CWC27: variants seen among roughly 807,000 people sequenced by gnomAD.
The protein encoded by CWC27 is CWC27 spliceosome associated cyclophilin.
CWC27 carries 47 observed loss-of-function variants against 63.6 expected under a neutral mutation model. That is an observed-to-expected ratio of 0.74 (90% CI 0.58 to 0.94). The LOEUF is 0.94. Ranked by LOEUF, CWC27 falls within the 40% of genes least tolerant of loss-of-function variation. The pLI, the probability that CWC27 is intolerant of heterozygous loss-of-function variation, is 0.00. For synonymous variants in CWC27, 175 were observed against 179.8 expected (o/e 0.97, Z 0.22); for missense variants, 495 against 554.3 (o/e 0.89, Z 1.07).
chr5:64,885,698 G>GTTGTGTGTGTGTGT (rs1747055365), intron 11 of CWC27, 152 bp downstream of exon 11: 1 of 256,780 alleles, frequency 3.9e-6, no homozygotes, highest in East Asian at 1.0e-4. Context: ...CTTGAGTTAG[G>GTTGTGTGTGTGTGT]GTGTGTGTGT....
At chr5:64,831,768 A>G (rs1745527851) in intron 10 of CWC27, among the ~76,000 whole-genome samples, 3 of 151,894 alleles carry the variant, frequency 2.0e-5, no homozygotes, top group African/African-American at 7.2e-5. Context: ...CTTCACATAA[A>G]AAACATACAT....
chr5:64,784,128 A>G (rs936020555), intron 4 of CWC27, 149 bp downstream of exon 4: 4 of 699,900 alleles, frequency 5.7e-6, no homozygotes, highest in Non-Finnish European at 8.7e-6. Flanking sequence ...AAAATGATGG[A>G]ATATATTCCT....
chr5:64,937,984 GA>G (rs1168080072), intron 11 of CWC27, among the ~76,000 whole-genome samples: 15 of 70,142 alleles, frequency 2.1e-4, no homozygotes, highest in Non-Finnish European at 3.8e-4. Context: ...CCTTTATTTT[GA>G]GCCTATGTGT....
chr5:64,857,580 G>GC (rs1169085925), intron 10 of CWC27, among the ~76,000 whole-genome samples: 1 of 152,116 alleles, frequency 6.6e-6, no homozygotes, highest in Non-Finnish European at 1.5e-5. Flanking sequence ...ACTACAAGAG[G>GC]CCAGGAAAAA....
intron 11 of CWC27, among the ~76,000 whole-genome samples, chr5:64,904,871 G>A (rs1311022442): frequency 2.6e-5 from 4 of 151,514 alleles, no homozygotes; most frequent in African/African-American, 7.3e-5. Flanking sequence ...ATGCAACCTC[G>A]AGATACTAGA....
chr5:64,939,445 G>A (rs1561164010), intron 11 of CWC27, among the ~76,000 whole-genome samples: 1 of 152,202 alleles, frequency 6.6e-6, no homozygotes, highest in African/African-American at 2.4e-5. Context: ...TACCAGTGGA[G>A]GCTGCAGAAC....
chr5:64,992,174 T>C (rs188383393), intron 13 of CWC27, among the ~76,000 whole-genome samples: 5 of 152,364 alleles, frequency 3.3e-5, no homozygotes, highest in South Asian at 2.1e-4. Context: ...AAGAGCCTCA[T>C]AGGGCTCATA....
chr5:64,886,253 A>C (rs137960350), intron 11 of CWC27, among the ~76,000 whole-genome samples: 2,092 of 152,242 alleles, frequency 0.014, 27 homozygotes, highest in African/African-American at 0.038. Flanking sequence ...TGTTTCAGCT[A>C]TAAAGCATGT....
intron 11 of CWC27, among the ~76,000 whole-genome samples, chr5:64,935,931 A>C (rs773214195): frequency 1.1e-4 from 16 of 151,952 alleles, no homozygotes; most frequent in Non-Finnish European, 1.5e-4. Context: ...AATACTTGTG[A>C]TTTTTGCACA....
chr5:64,901,937 CTG>C (rs1224346443), intron 11 of CWC27, among the ~76,000 whole-genome samples: 3 of 152,156 alleles, frequency 2.0e-5, no homozygotes, highest in Non-Finnish European at 2.9e-5. Flanking sequence ...ATCAATATAA[CTG>C]TCTTCCACTT....
At chr5:64,795,751 G>A (rs1034404388) in intron 7 of CWC27, among the ~76,000 whole-genome samples, 2 of 152,030 alleles carry the variant, frequency 1.3e-5, no homozygotes, top group Non-Finnish European at 2.9e-5. Flanking sequence ...TATATGCAAA[G>A]TCTCTTTTGC....
At chr5:64,848,896 A>G (rs543174002) in intron 10 of CWC27, among the ~76,000 whole-genome samples, 1 of 152,324 alleles carries the variant, frequency 6.6e-6, no homozygotes, top group Non-Finnish European at 1.5e-5. Flanking sequence ...ATGGTGAAAA[A>G]GCTGAAAGCT....
At chr5:64,824,096 G>A (rs1474726271) in intron 10 of CWC27, among the ~76,000 whole-genome samples, 1 of 152,088 alleles carries the variant, frequency 6.6e-6, no homozygotes, top group Non-Finnish European at 1.5e-5. Flanking sequence ...GAATGCAAGT[G>A]TTTTATTTTA....
At chr5:64,792,952 A>T (rs1217390628) in intron 7 of CWC27, among the ~76,000 whole-genome samples, 1 of 152,182 alleles carries the variant, frequency 6.6e-6, no homozygotes, top group Admixed American at 6.6e-5. Context: ...ATTATACAAT[A>T]CTGAAAAATG....
intron 13 of CWC27, among the ~76,000 whole-genome samples, chr5:64,993,526 A>G (rs1266473444): frequency 6.6e-6 from 1 of 152,124 alleles, no homozygotes; most frequent in Non-Finnish European, 1.5e-5. Context: ...TCCAGATTAC[A>G]AAATGCGGAG....
In CWC27 at chr5:65,011,967, CT is replaced by C. The variant is rs1749969588; in HGVS notation, c.1257-6186del. 2.6e-5 allele frequency among the ~76,000 whole-genome samples: 4 copies of C among 152,282 alleles called. No homozygotes were observed. The South Asian group carries it at 8.3e-4, about 32-fold the overall frequency. On this transcript the variant is annotated intron_variant, in intron 13 of 13. Coordinates refer to ENST00000381070, the MANE Select transcript of CWC27 (RefSeq NM_005869.4). ...TTTATAGGGGGAATTAATGCTTTTT[CT>C]TTTTTGTAAGTAAGCATTCACCTAA...
At chr5:64,937,053 T>A (rs1488436995) in intron 11 of CWC27, among the ~76,000 whole-genome samples, 1 of 152,194 alleles carries the variant, frequency 6.6e-6, no homozygotes, top group Non-Finnish European at 1.5e-5. Flanking sequence ...ATCCAGCTCC[T>A]GGATTCATTG....
chr5:64,854,595 G>A (rs1746208198), intron 10 of CWC27, among the ~76,000 whole-genome samples: 1 of 152,114 alleles, frequency 6.6e-6, no homozygotes, highest in South Asian at 2.1e-4. Flanking sequence ...GAAACTTTTG[G>A]TTTTCATAAT....
At position 65,013,184 on chromosome 5, in the gene CWC27, A is replaced by G. The variant is rs527953699; in HGVS notation, c.1257-4975A>G. 2.0e-5 allele frequency among the ~76,000 whole-genome samples: 3 copies of G among 152,360 alleles called. No individual in the cohort carries two copies. The East Asian group carries it at 5.8e-4, about 29-fold the overall frequency. Reference sequence around the variant, plus strand: ...GAAATAAAAACTAGCAATCACTAGTATGAGTGAGTGGAAAAGCAACTATCA... The same window carrying G: ...GAAATAAAAACTAGCAATCACTAGTGTGAGTGAGTGGAAAAGCAACTATCA... On this transcript the variant is annotated intron_variant, in intron 13 of 13. Transcript: ENST00000381070.
Sources: gnomAD v4.1 joint callset for allele counts (sites outside exome capture counted in the v4.1 genomes callset) on GRCh38, gnomAD v4.1.1 for gene constraint, MANE v1.5 for transcripts, NCBI Gene and HGNC (gene_info 2026-07-23, HGNC 2026-07-21) for gene names.